CDIN1: variants seen among roughly 807,000 people sequenced by gnomAD.
CDIN1 encodes the protein CDAN1-interacting nuclease 1.
CDIN1 carries 33 observed loss-of-function variants against 45.3 expected under a neutral mutation model. The observed-to-expected ratio is 0.73, with a 90% CI of 0.55 to 0.97. The LOEUF is 0.97. CDIN1 is among the 50% of genes least tolerant of loss of function. The probability of loss-of-function intolerance (pLI) is 0.00; values close to 1 mark genes in which losing one functional copy is unlikely to be tolerated. For missense variants in CDIN1, 303 were observed against 339.4 expected (o/e 0.89, Z 0.84); for synonymous variants, 118 against 124.4 (o/e 0.95, Z 0.34).
intron 10 of CDIN1, among the ~76,000 whole-genome samples, chr15:36,719,301 A>G (rs767946795): frequency 9.9e-5 from 15 of 152,204 alleles, no homozygotes; most frequent in Admixed American, 2.6e-4. Flanking sequence ...ACTCCCTTCT[A>G]GTCCTAGTTT....
At position 36,661,106 on chromosome 15, in the gene CDIN1, T is replaced by A. The variant is rs145999438; in HGVS notation, c.346+3201T>A. ...GTAAATGGAGTGGTAGCAAAGGGTG[T>A]GAAGTGGATGGCAGTGCTGGTGCTC... On this transcript the variant is annotated intron_variant, in intron 5 of 10. Transcript: ENST00000566621. Among the ~76,000 whole-genome samples the A allele has an allele frequency of 5.3e-4, 80 of 152,276 alleles. No homozygotes were observed. The East Asian group carries it at 0.013, about 25-fold the overall frequency.
intron 10 of CDIN1, among the ~76,000 whole-genome samples, chr15:36,739,666 A>G (rs923184229): frequency 1.3e-5 from 2 of 152,256 alleles, no homozygotes; most frequent in African/African-American, 2.4e-5. Flanking sequence ...GCAAGTATCA[A>G]ACTTCAAAAT....
chr15:36,756,299 C>G (rs930487393), intron 10 of CDIN1, among the ~76,000 whole-genome samples: 1 of 152,154 alleles, frequency 6.6e-6, no homozygotes, highest in Non-Finnish European at 1.5e-5. Flanking sequence ...AATCATATAT[C>G]TAATTTCAGT....
intron 5 of CDIN1, among the ~76,000 whole-genome samples, chr15:36,662,618 A>C (rs1269843706): frequency 6.6e-6 from 1 of 152,174 alleles, no homozygotes; most frequent in East Asian, 1.9e-4. Context: ...CCTTTCTAAC[A>C]ATAAGAGGAT....
intron 10 of CDIN1, among the ~76,000 whole-genome samples, chr15:36,795,764 G>T (rs1011963755): frequency 6.6e-6 from 1 of 151,692 alleles, no homozygotes; most frequent in Non-Finnish European, 1.5e-5. Context: ...ATGCAGTGGG[G>T]CAGTCATAGC....
At chr15:36,690,992 T>C (rs879712381) in intron 5 of CDIN1, among the ~76,000 whole-genome samples, 2 of 152,092 alleles carry the variant, frequency 1.3e-5, no homozygotes, top group Non-Finnish European at 2.9e-5. Context: ...TCTATAGCAG[T>C]TCCCTTGGGG....
intron 10 of CDIN1, chr15:36,799,546 A>T (rs2054939866): frequency 6.6e-6 from 1 of 152,112 alleles, no homozygotes; most frequent in South Asian, 2.1e-4. Context: ...ATGTGAATAA[A>T]TACAACATAG....
At chr15:36,669,778 A>G (rs1410267414) in intron 5 of CDIN1, among the ~76,000 whole-genome samples, 1 of 152,054 alleles carries the variant, frequency 6.6e-6, no homozygotes, top group Non-Finnish European at 1.5e-5. Flanking sequence ...GGATGTGTCT[A>G]AGGTTTTTCT....
At chr15:36,733,654 T>C (rs1442525077) in intron 10 of CDIN1, among the ~76,000 whole-genome samples, 1 of 152,164 alleles carries the variant, frequency 6.6e-6, no homozygotes, top group Non-Finnish European at 1.5e-5. Context: ...ATCATGTGTT[T>C]ATATAATCAT....
At chr15:36,692,213 G>T (rs368036506) in intron 7 of CDIN1, 38 bp downstream of exon 7, 1 of 1,584,376 alleles carries the variant, frequency 6.3e-7, no homozygotes, top group Non-Finnish European at 8.6e-7. Flanking sequence ...CGCAATTGAC[G>T]AGCTTAGACT....
chr15:36,615,853 A>G (rs949838716), intron 1 of CDIN1, among the ~76,000 whole-genome samples: 3 of 152,208 alleles, frequency 2.0e-5, no homozygotes, highest in Non-Finnish European at 2.9e-5. Context: ...GGGGCATTAT[A>G]TAATTGTCAG....
intron 10 of CDIN1, among the ~76,000 whole-genome samples, chr15:36,733,557 A>G (rs1367897263): frequency 6.6e-6 from 1 of 152,122 alleles, no homozygotes; most frequent in East Asian, 1.9e-4. Flanking sequence ...CAATACAAGA[A>G]GAACCATTTC....
intron 4 of CDIN1, among the ~76,000 whole-genome samples, chr15:36,655,108 C>G (rs1230547139): frequency 6.6e-6 from 1 of 152,096 alleles, no homozygotes; most frequent in Non-Finnish European, 1.5e-5. Flanking sequence ...AGGATGGCTT[C>G]CCTCACAGCT....
intron 1 of CDIN1, chr15:36,613,712 G>T: frequency 6.5e-7 from 1 of 1,543,594 alleles, no homozygotes. Flanking sequence ...AGAAGAAGCG[G>T]AAAAAGCTGC....
At chr15:36,756,354 G>T (rs1471580073) in intron 10 of CDIN1, among the ~76,000 whole-genome samples, 1 of 152,126 alleles carries the variant, frequency 6.6e-6, no homozygotes, top group Non-Finnish European at 1.5e-5. Context: ...TATTTCATAT[G>T]TTGGTGTTTT....
At chr15:36,743,547 G>C (rs1264658516) in intron 10 of CDIN1, among the ~76,000 whole-genome samples, 20 of 152,078 alleles carry the variant, frequency 1.3e-4, no homozygotes, top group Admixed American at 1.3e-3. Flanking sequence ...TTGAAACCCA[G>C]GTATGGAGTG....
chr15:36,624,800 T>C (rs2039345448), intron 1 of CDIN1, among the ~76,000 whole-genome samples: 1 of 152,088 alleles, frequency 6.6e-6, no homozygotes, highest in Admixed American at 6.6e-5. Flanking sequence ...GGGAAGAAAG[T>C]AGTAAAGATG....
intron 10 of CDIN1, among the ~76,000 whole-genome samples, chr15:36,774,163 TGCGC>T (rs1555407088): frequency 7.8e-4 from 112 of 143,150 alleles, no homozygotes; most frequent in Middle Eastern, 3.5e-3. Context: ...TGTGTGTGTG[TGCGC>T]GCGCGCGCAT....
At chr15:36,671,083 A>C (rs572730549) in intron 5 of CDIN1, among the ~76,000 whole-genome samples, 21 of 152,226 alleles carry the variant, frequency 1.4e-4, no homozygotes, top group Admixed American at 1.2e-3. Flanking sequence ...AAATAGGAAA[A>C]GTCTCTGAAT....
Sources: allele counts gnomAD v4.1 joint callset (sites outside exome capture counted in the v4.1 genomes callset), GRCh38; gene constraint gnomAD v4.1.1; transcripts MANE v1.5; gene names NCBI Gene and HGNC (gene_info 2026-07-23, HGNC 2026-07-21).